ASB15: variants seen among roughly 807,000 people sequenced by gnomAD.
ASB15 encodes the protein ankyrin repeat and SOCS box protein 15.
Under a neutral mutation model 58.0 loss-of-function variants are expected in ASB15, and 54 were observed. The observed-to-expected ratio is 0.93, with a 90% CI of 0.75 to 1.17. ASB15 has a LOEUF of 1.17. Among genes scored for constraint, ASB15 ranks in the 50% most tolerant of loss-of-function variants. ASB15 has a pLI of 0.00. For synonymous variants in ASB15, 249 were observed against 262.4 expected, an observed-to-expected ratio of 0.95 and a Z score of 0.50; for missense variants, 680 against 707.4, an observed-to-expected ratio of 0.96 and a Z score of 0.44.
chr7:123,574,280 A>G (rs911882340), intron 1 of ASB15, among the ~76,000 whole-genome samples: 10 of 150,690 alleles, frequency 6.6e-5, no homozygotes, highest in African/African-American at 2.2e-4. Flanking sequence ...CTCCTGTACT[A>G]TGCAACAGCC....
At chr7:123,578,509 A>T (rs1799132384) in intron 1 of ASB15, among the ~76,000 whole-genome samples, 1 of 151,744 alleles carries the variant, frequency 6.6e-6, no homozygotes, top group South Asian at 2.1e-4. Context: ...TTTTTTATTC[A>T]TTCACTTATT....
At chr7:123,589,036 T>C (rs1054541503) in intron 1 of ASB15, among the ~76,000 whole-genome samples, 3 of 151,898 alleles carry the variant, frequency 2.0e-5, no homozygotes, top group African/African-American at 7.2e-5. Context: ...TGTATTCTTC[T>C]ATGTAATGTT....
chr7:123,578,675 T>C (rs1799138905), intron 1 of ASB15, among the ~76,000 whole-genome samples: 1 of 152,116 alleles, frequency 6.6e-6, no homozygotes, highest in African/African-American at 2.4e-5. Context: ...CACAGCAATT[T>C]CATTCAATAG....
At chr7:123,611,500 G>A (rs1800461006) in intron 3 of ASB15, among the ~76,000 whole-genome samples, 1 of 151,938 alleles carries the variant, frequency 6.6e-6, no homozygotes, top group South Asian at 2.1e-4. Context: ...GTTTCACCGT[G>A]TTAGCCAGGA....
intron 11 of ASB15, among the ~76,000 whole-genome samples, chr7:123,632,194 A>C (rs548158725): frequency 2.6e-4 from 40 of 152,304 alleles, no homozygotes; most frequent in African/African-American, 9.4e-4. Context: ...AAAAAGCATG[A>C]GGAAAATAAT....
At chr7:123,608,407 C>T (rs1467930224) in intron 2 of ASB15, among the ~76,000 whole-genome samples, 187 bp from the exon 3 acceptor site, 2 of 152,130 alleles carry the variant, frequency 1.3e-5, no homozygotes, top group Non-Finnish European at 2.9e-5. Flanking sequence ...TTCTACAGAT[C>T]ATTTTGCCTT....
At chr7:123,582,422 G>A (rs547521525) in intron 1 of ASB15, among the ~76,000 whole-genome samples, 24 of 152,076 alleles carry the variant, frequency 1.6e-4, no homozygotes, top group South Asian at 4.1e-4. Flanking sequence ...CACCGTCCTG[G>A]AGGAAGAAAT....
chr7:123,613,243 A>C (rs1800576216), intron 3 of ASB15, among the ~76,000 whole-genome samples: 1 of 152,142 alleles, frequency 6.6e-6, no homozygotes, highest in African/African-American at 2.4e-5. Context: ...GAATGAGAAG[A>C]GGTAAAGCAT....
intron 3 of ASB15, among the ~76,000 whole-genome samples, chr7:123,613,718 A>G (rs1183102924): frequency 1.3e-5 from 2 of 152,144 alleles, no homozygotes; most frequent in Admixed American, 1.3e-4. Flanking sequence ...GAGACCAGTC[A>G]GACTTTGAAG....
rs1296242354 is a variant in ASB15, at chr7:123,627,231, C to T, written c.819C>T (p.Asn273=). The change falls in exon 9 of 12, where the codon AAC becomes AAT. Residue 273 remains asparagine (N), a synonymous_variant. Coordinates refer to ENST00000451215, the MANE Select transcript of ASB15 (RefSeq NM_001290258.2). The stretch of plus-strand genomic sequence containing the variant: ...ATGGAGGAAGCGGAAATGTACCTAA[C>T]CGAGCAGGACATCTTCCTATACACC... ...LEYGGSGNVP[N]RAGHLPIHRA... 1.2e-6 allele frequency: 2 copies of T among 1,613,756 alleles called. No homozygotes were observed. Among genetic ancestry groups the T allele is most frequent in the Non-Finnish European group, 1.7e-6 (2 of 1,179,886 alleles).
intron 11 of ASB15, among the ~76,000 whole-genome samples, chr7:123,631,398 A>T (rs1802107808): frequency 6.6e-6 from 1 of 152,224 alleles, no homozygotes; most frequent in Non-Finnish European, 1.5e-5. Context: ...TGGTAAGTTT[A>T]TGTGAGGTAT....
rs148775577 is a variant in ASB15, at chr7:123,629,431, C to A, written c.1437C>A (p.Asn479Lys). 77 of 1,599,538 alleles carry A rather than the reference C, an allele frequency of 4.8e-5. No individual in the cohort carries two copies. Among genetic ancestry groups the A allele is most frequent in the Non-Finnish European group, 6.3e-5 (74 of 1,174,052 alleles). The change falls in exon 10 of 12, where the codon AAC becomes AAA. Residue 479 changes from asparagine to lysine, a missense_variant. Physicochemically the swap from Asn to Lys is moderately conservative, Grantham distance 94. Transcript: ENST00000451215. ...GGACATCTTGTGTAATAAAAGATAA[C>A]CCGGTGAGTTATGCCTTTTCTGCTT... ...PGWTSCVIKDNPFCEFITVPW... is the reference protein window; with the variant it reads ...PGWTSCVIKDKPFCEFITVPW...
chr7:123,599,971 T>G (rs1799819515), upstream of ASB15, among the ~76,000 whole-genome samples: 1 of 152,172 alleles, frequency 6.6e-6, no homozygotes, highest in Non-Finnish European at 1.5e-5. Flanking sequence ...AAAAGCCAGC[T>G]TTCATAGAGG....
chr7:123,623,751 C>A (rs1157580227), intron 7 of ASB15, among the ~76,000 whole-genome samples: 1 of 151,304 alleles, frequency 6.6e-6, no homozygotes, highest in Non-Finnish European at 1.5e-5. Context: ...GTAATTCCAG[C>A]TACTCAGGAG....
intron 11 of ASB15, among the ~76,000 whole-genome samples, chr7:123,634,208 C>A (rs1210254491): frequency 6.6e-6 from 1 of 152,070 alleles, no homozygotes; most frequent in East Asian, 1.9e-4. Flanking sequence ...CCAGCCACCC[C>A]CCCGACAGGC....
At chr7:123,590,890 A>T (rs1799518790) in intron 1 of ASB15, among the ~76,000 whole-genome samples, 1 of 152,156 alleles carries the variant, frequency 6.6e-6, no homozygotes, top group South Asian at 2.1e-4. Context: ...TACCTTGGGC[A>T]GTATGGCCAT....
rs899918648 is a variant in ASB15, at chr7:123,619,648, C to T, written c.451+1911C>T. Among the ~76,000 whole-genome samples, 3 of 152,056 alleles carry T rather than the reference C, an allele frequency of 2.0e-5. No homozygotes were observed. In the East Asian group the frequency reaches 5.8e-4, roughly 29 times the overall value. ...AAGCCATTCTGCTGCCTCAGCCTCC[C>T]GAGTAGCTGGGACTACAGGCGCCCG... is the stretch of plus-strand genomic sequence containing the variant. On this transcript the variant is annotated intron_variant, in intron 7 of 11. Transcript: ENST00000451215.
intron 1 of ASB15, among the ~76,000 whole-genome samples, chr7:123,603,370 G>C (rs1253020917): frequency 1.3e-5 from 2 of 152,078 alleles, no homozygotes; most frequent in Non-Finnish European, 2.9e-5. Context: ...TTGTCTTTTT[G>C]ATTAGCAGAG....
rs887272363 is a variant in ASB15, at chr7:123,619,434, T to C, written c.451+1697T>C. ...CTCTTGGAGATTGCCTTGAGGGTTG[T>C]ATAGGGGAACGGCAGGTGTTCTGCC... On this transcript the variant is annotated intron_variant, in intron 7 of 11. Coordinates refer to ENST00000451215, the MANE Select transcript of ASB15 (RefSeq NM_001290258.2). Among the ~76,000 whole-genome samples, 101 of 152,146 alleles carry C rather than the reference T, an allele frequency of 6.6e-4. 1 individual carries two copies. The highest frequency in any genetic ancestry group is 2.2e-3 in the African/African-American group (92 of 41,438).
Sources: gnomAD v4.1 joint callset for allele counts (sites outside exome capture counted in the v4.1 genomes callset) on GRCh38, gnomAD v4.1.1 for gene constraint, MANE v1.5 for transcripts, NCBI Gene and HGNC (gene_info 2026-07-23, HGNC 2026-07-21) for gene names.